SPIDR: variants seen among roughly 807,000 people sequenced by gnomAD.
The protein encoded by SPIDR is scaffold protein involved in DNA repair.
A neutral mutation model predicts 104.6 loss-of-function variants in SPIDR; 93 were observed. That is an observed-to-expected ratio of 0.89 (90% CI 0.75 to 1.06). SPIDR has a LOEUF of 1.06. Ranked by LOEUF, SPIDR falls within the 50% of genes least tolerant of loss-of-function variation. SPIDR has a pLI of 0.00. For synonymous variants in SPIDR, 431 were observed against 416.9 expected, an observed-to-expected ratio of 1.03 and a Z score of -0.41; for missense variants, 1,154 against 1,111.2, an observed-to-expected ratio of 1.04 and a Z score of -0.55.
At chr8:47,615,914 A>G (rs1001899428) in intron 10 of SPIDR, among the ~76,000 whole-genome samples, 1 of 151,638 alleles carries the variant, frequency 6.6e-6, no homozygotes, top group Non-Finnish European at 1.5e-5. Flanking sequence ...CCTTATTTAC[A>G]TTTCTATTTT....
chr8:47,271,579 G>A (rs1189452848), intron 1 of SPIDR, among the ~76,000 whole-genome samples: 1 of 151,868 alleles, frequency 6.6e-6, no homozygotes, highest in Admixed American at 6.6e-5. Flanking sequence ...TATAATTTCT[G>A]TGTCTTTATT....
chr8:47,587,609 C>CAA (rs36084278), intron 8 of SPIDR, among the ~76,000 whole-genome samples: 49 of 58,680 alleles, frequency 8.4e-4, no homozygotes, highest in East Asian at 1.2e-3. Context: ...GACCCTGCCT[C>CAA]AAAAAAAAAA....
At chr8:47,637,735 G>A (rs2068181771) in intron 10 of SPIDR, among the ~76,000 whole-genome samples, 1 of 152,180 alleles carries the variant, frequency 6.6e-6, no homozygotes, top group Admixed American at 6.5e-5. Context: ...TCCTGCTGTT[G>A]ATACTGACCT....
intron 5 of SPIDR, among the ~76,000 whole-genome samples, chr8:47,361,928 C>G (rs782266309): frequency 6.6e-6 from 1 of 152,222 alleles, no homozygotes; most frequent in Non-Finnish European, 1.5e-5. Context: ...TGCTCCCAGA[C>G]TGCCTTTTGG....
At chr8:47,458,133 T>G (rs1472250695) in intron 8 of SPIDR, among the ~76,000 whole-genome samples, 1 of 152,034 alleles carries the variant, frequency 6.6e-6, no homozygotes, top group Non-Finnish European at 1.5e-5. Flanking sequence ...GATGGTGGTA[T>G]TTTGATGGGA....
Position 47,354,631 on chromosome 8 carries a change from A to G in SPIDR, c.526-41745A>G, listed in dbSNP as rs189438426. ...TTTATACTGATGACTGTTTTCATTT[A>G]TTTATTTTAAATTTTTTATTTTTTT... On this transcript the variant is annotated intron_variant, in intron 5 of 19. Coordinates refer to ENST00000297423, the MANE Select transcript of SPIDR (RefSeq NM_001080394.4). Among the ~76,000 whole-genome samples the G allele has an allele frequency of 3.5e-3, 536 of 151,920 alleles. 3 individuals are homozygous for G. Among genetic ancestry groups the G allele is most frequent in the African/African-American group, 0.012 (517 of 41,448 alleles).
intron 10 of SPIDR, among the ~76,000 whole-genome samples, chr8:47,645,607 A>G (rs1231546433): frequency 6.6e-6 from 1 of 152,238 alleles, no homozygotes; most frequent in Non-Finnish European, 1.5e-5. Flanking sequence ...GCTATGGGAA[A>G]CAGAAATTAA....
chr8:47,476,619 C>A (rs555328480), intron 8 of SPIDR, among the ~76,000 whole-genome samples: 1 of 152,170 alleles, frequency 6.6e-6, no homozygotes, highest in African/African-American at 2.4e-5. Flanking sequence ...GCCTGGACCA[C>A]CCCAACCCAG....
chr8:47,430,968 AGT>A (rs2067258345), intron 7 of SPIDR, among the ~76,000 whole-genome samples: 1 of 152,182 alleles, frequency 6.6e-6, no homozygotes. Flanking sequence ...CATCAGTGTC[AGT>A]GTGTGTGTTG....
intron 8 of SPIDR, among the ~76,000 whole-genome samples, chr8:47,589,084 A>G (rs1418007260): frequency 2.1e-5 from 2 of 97,070 alleles, no homozygotes; most frequent in Non-Finnish European, 3.9e-5. Flanking sequence ...TACTTGCTTT[A>G]TAAAAGGGAT....
At chr8:47,544,306 T>C (rs1279745335) in intron 8 of SPIDR, among the ~76,000 whole-genome samples, 1 of 152,206 alleles carries the variant, frequency 6.6e-6, no homozygotes, top group Non-Finnish European at 1.5e-5. Flanking sequence ...AGTCCTTAAT[T>C]GCAATCTCTG....
chr8:47,496,757 T>C, intron 8 of SPIDR, among the ~76,000 whole-genome samples: 1 of 151,020 alleles, frequency 6.6e-6, no homozygotes, highest in South Asian at 2.1e-4. Context: ...AAGATTGTTA[T>C]GAATTTCTCT....
At chr8:47,667,786 G>C (rs1355089196) in intron 10 of SPIDR, 1 of 152,124 alleles carries the variant, frequency 6.6e-6, no homozygotes, top group Non-Finnish European at 1.5e-5. Flanking sequence ...CACTTTGGCA[G>C]CACGTATACT....
chr8:47,431,342 G>A (rs1398996645), intron 7 of SPIDR, among the ~76,000 whole-genome samples: 1 of 152,172 alleles, frequency 6.6e-6, no homozygotes, highest in Non-Finnish European at 1.5e-5. Context: ...TTCAACATAG[G>A]AATTTTGAGG....
At chr8:47,410,651 G>T (rs1170994293) in intron 7 of SPIDR, among the ~76,000 whole-genome samples, 2 of 151,792 alleles carry the variant, frequency 1.3e-5, no homozygotes, top group African/African-American at 4.8e-5. Flanking sequence ...ATTATTTAGA[G>T]AAGTCTTTTT....
intron 8 of SPIDR, among the ~76,000 whole-genome samples, chr8:47,570,943 T>C (rs1011155913): frequency 6.6e-6 from 1 of 151,888 alleles, no homozygotes; most frequent in Non-Finnish European, 1.5e-5. Flanking sequence ...ATACAAAAAT[T>C]AGCCAGGTGT....
intron 7 of SPIDR, among the ~76,000 whole-genome samples, chr8:47,411,203 A>T (rs1161489265): frequency 3.5e-4 from 53 of 152,254 alleles, no homozygotes; most frequent in African/African-American, 1.2e-3. Context: ...TCAAATGGTA[A>T]TTCTAGATCT....
At chr8:47,515,352 C>T (rs2082962122) in intron 8 of SPIDR, among the ~76,000 whole-genome samples, 2 of 152,198 alleles carry the variant, frequency 1.3e-5, no homozygotes, top group South Asian at 2.1e-4. Flanking sequence ...TCTCCAAACA[C>T]TTAGCAAAGA....
chr8:47,684,555 A>G (rs1315385755), intron 11 of SPIDR, among the ~76,000 whole-genome samples: 1 of 152,170 alleles, frequency 6.6e-6, no homozygotes, highest in African/African-American at 2.4e-5. Context: ...TCTACTTCCA[A>G]AAGTTGTTAG....
Sources: allele counts gnomAD v4.1 joint callset (sites outside exome capture counted in the v4.1 genomes callset), GRCh38; gene constraint gnomAD v4.1.1; transcripts MANE v1.5; gene names NCBI Gene and HGNC (gene_info 2026-07-23, HGNC 2026-07-21).